Variants in PLEKHA1 observed in about 807,000 individuals in gnomAD.
PLEKHA1 encodes pleckstrin homology domain-containing family A member 1.
A neutral mutation model predicts 52.0 loss-of-function variants in PLEKHA1; 34 were observed. The observed-to-expected ratio is 0.65, with a 90% confidence interval of 0.50 to 0.87. The LOEUF is 0.87. Ranked by LOEUF, PLEKHA1 falls within the 40% of genes least tolerant of loss-of-function variation. The probability of loss-of-function intolerance (pLI) is 0.00; values close to 1 mark genes in which losing one functional copy is unlikely to be tolerated. For missense variants in PLEKHA1, 497 were observed against 504.2 expected (o/e 0.99, Z 0.14); for synonymous variants, 163 against 170.7 (o/e 0.95, Z 0.35).
At chr10:122,418,784 C>G (rs1186132092) in intron 8 of PLEKHA1, 2 of 152,162 alleles carry the variant, frequency 1.3e-5, no homozygotes, top group Non-Finnish European at 2.9e-5. Flanking sequence ...GAATGCAATT[C>G]TGTAGTATAA....
chr10:122,433,197 T>G (rs1391563018), downstream of PLEKHA1: 1 of 152,212 alleles, frequency 6.6e-6, no homozygotes, highest in Non-Finnish European at 1.5e-5. Flanking sequence ...ACCCTATTCC[T>G]GTCATTGTGC....
Position 122,400,366 on chromosome 10 carries a change from G to T in PLEKHA1, c.222G>T (p.Arg74Ser). ...AGGTTAGCGATGCTACTAAGCTAAGGCCAAAGGCGGAGTTCTGTTTTGGTA... is the reference window on the plus strand; with the variant it reads ...AGGTTAGCGATGCTACTAAGCTAAGTCCAAAGGCGGAGTTCTGTTTTGGTA... ...ISKVSDATKL[R>S]PKAEFCFVMN... The change falls in exon 4 of 12, where the codon AGG (arginine) becomes AGT (serine). Residue 74 changes from arginine (R) to serine (S), a missense_variant. Arg to Ser is a moderately radical substitution (Grantham distance 110). Transcript: ENST00000368990. 1.2e-6 allele frequency: 2 copies of T among 1,607,570 alleles called. No homozygotes were observed. Among genetic ancestry groups the T allele is most frequent in the Non-Finnish European group, 1.7e-6 (2 of 1,177,696 alleles).
chr10:122,375,335 C>T (rs1426875720), intron 1 of PLEKHA1, among the ~76,000 whole-genome samples: 4 of 152,220 alleles, frequency 2.6e-5, no homozygotes, highest in Non-Finnish European at 5.9e-5. Context: ...TGCATTTTGG[C>T]TTCAGGACTT....
At chr10:122,410,011 G>A (rs2097085068) in intron 5 of PLEKHA1, among the ~76,000 whole-genome samples, 1 of 152,014 alleles carries the variant, frequency 6.6e-6, no homozygotes, top group Admixed American at 6.6e-5. Flanking sequence ...TAAAACTCCT[G>A]GCCTCAAGTG....
At chr10:122,407,935 C>CA (rs1590671359) in intron 5 of PLEKHA1, among the ~76,000 whole-genome samples, 1 of 152,150 alleles carries the variant, frequency 6.6e-6, no homozygotes, top group African/African-American at 2.4e-5. Context: ...AAGCTGTTCT[C>CA]AGAGTTTAGT....
intron 1 of PLEKHA1, among the ~76,000 whole-genome samples, chr10:122,385,835 T>C (rs11200603): frequency 0.99 from 150,455 of 152,328 alleles, 74,386 homozygotes; most frequent in Middle Eastern, 1. Flanking sequence ...TTTTGCCAAG[T>C]AATATTTTAT....
At chr10:122,402,483 T>A (rs2096943558) in intron 4 of PLEKHA1, among the ~76,000 whole-genome samples, 1 of 152,122 alleles carries the variant, frequency 6.6e-6, no homozygotes, top group Admixed American at 6.5e-5. Flanking sequence ...CCTCAGTGTA[T>A]AAAGTTGGAA....
intron 8 of PLEKHA1, chr10:122,423,827 C>CT (rs1330298430): frequency 1.1e-5 from 2 of 182,652 alleles, no homozygotes; most frequent in African/African-American, 4.7e-5. Context: ...AGGATGTGCA[C>CT]TTGCTCTGCT....
Position 122,419,313 on chromosome 10 carries a change from G to C in PLEKHA1, c.681+1345G>C, listed in dbSNP as rs937736216. ...TGATCACAGGGCCTGGCACTTGATA[G>C]ACAATAAGTGTCTTTGAATGAATGA... On this transcript the variant is annotated intron_variant, in intron 8 of 11. Coordinates refer to ENST00000368990, the MANE Select transcript of PLEKHA1 (RefSeq NM_001001974.4). 11 of 152,272 alleles carry C rather than the reference G, an allele frequency of 7.2e-5. No individual in the cohort carries two copies. The East Asian group carries it at 1.9e-3, about 27-fold the overall frequency. The allele number at this position is 152,272 out of a possible 1,614,324, so 9.4% of individuals were successfully genotyped here.
chr10:122,394,086 T>G (rs1010203267), intron 2 of PLEKHA1, among the ~76,000 whole-genome samples: 1 of 113,012 alleles, frequency 8.8e-6, no homozygotes, highest in South Asian at 2.8e-4. Flanking sequence ...TTTTTTTTTT[T>G]TTTTTTTTTG....
intron 3 of PLEKHA1, among the ~76,000 whole-genome samples, chr10:122,398,193 G>A (rs761234153): frequency 3.9e-5 from 6 of 152,074 alleles, no homozygotes; most frequent in Non-Finnish European, 8.8e-5. Context: ...AATTGCAAAA[G>A]TTAACATTAA....
rs771030769 is a variant in PLEKHA1, at chr10:122,415,859, AAAG to A, written c.476_478del (p.Glu159del). ...ATTTATTTATTTTGCTTCATTTTAGAAAGAAGAAGTAAATGAATGTGGTGAAAG... is the reference window on the plus strand; with the variant it reads ...ATTTATTTATTTTGCTTCATTTTAGAAAGAAGTAAATGAATGTGGTGAAAG... On this transcript the variant is annotated inframe_deletion and splice_region_variant, in exon 7 of 12. Coordinates refer to ENST00000368990, the MANE Select transcript of PLEKHA1 (RefSeq NM_001001974.4). 4.9e-5 allele frequency: 78 copies of A among 1,605,728 alleles called. No homozygotes were observed. Among genetic ancestry groups the A allele is most frequent in the South Asian group, 3.2e-4 (29 of 90,010 alleles).
At chr10:122,429,574 A>G (rs777822008) in intron 11 of PLEKHA1, 50 bp from the exon 12 acceptor site, 1 of 1,543,724 alleles carries the variant, frequency 6.5e-7, no homozygotes, top group Non-Finnish European at 8.9e-7. Flanking sequence ...CTGAGTTACT[A>G]ACCTGGTCAT....
At chr10:122,432,914 T>C (rs10510110), downstream of PLEKHA1, 85,153 of 152,104 alleles carry the variant, frequency 0.56, 24,466 homozygotes, top group African/African-American at 0.66. Flanking sequence ...AAGGCATTAC[T>C]GTAGAATGTG....
chr10:122,413,359 T>A (rs917826576), intron 6 of PLEKHA1, among the ~76,000 whole-genome samples: 2 of 152,076 alleles, frequency 1.3e-5, no homozygotes. Flanking sequence ...CAGAAATCCT[T>A]TTATATCATT....
rs2097405046 is a variant in PLEKHA1, at chr10:122,430,228, T to C, written c.*290T>C. 2 of 255,768 alleles carry C rather than the reference T, an allele frequency of 7.8e-6. No homozygotes were observed. Among genetic ancestry groups the C allele is most frequent in the Non-Finnish European group, 7.3e-6 (1 of 136,200 alleles). 15.8% of individuals were successfully genotyped at this position (255,768 alleles called of 1,614,324 possible). A position where few individuals can be genotyped will look rare whatever the true frequency, so the allele number is the denominator to read the frequency against. On this transcript the variant is annotated 3_prime_UTR_variant, in exon 12 of 12. Coordinates refer to ENST00000368990, the MANE Select transcript of PLEKHA1 (RefSeq NM_001001974.4). Reference sequence around the variant, plus strand: ...ACAATGTATGTGTAATATTTTTTTCTTAGTGATTTTGACAGTTTAAATGTT... The same window carrying C: ...ACAATGTATGTGTAATATTTTTTTCCTAGTGATTTTGACAGTTTAAATGTT...
intron 5 of PLEKHA1, among the ~76,000 whole-genome samples, chr10:122,407,558 CT>C (rs1463714815): frequency 6.6e-6 from 1 of 152,188 alleles, no homozygotes; most frequent in African/African-American, 2.4e-5. Flanking sequence ...TCTCCTTACT[CT>C]TTTGTTCCTA....
chr10:122,408,401 T>C (rs1442793013), intron 5 of PLEKHA1, among the ~76,000 whole-genome samples: 1 of 152,182 alleles, frequency 6.6e-6, no homozygotes, highest in Non-Finnish European at 1.5e-5. Flanking sequence ...CTAAATAGAA[T>C]TCTAAAAAGA....
chr10:122,423,576 T>C (rs889865994), intron 8 of PLEKHA1: 3 of 152,354 alleles, frequency 2.0e-5, no homozygotes, highest in East Asian at 1.9e-4. Flanking sequence ...ACTAGAAATA[T>C]GCTATTAGGA....
Sources: gnomAD v4.1 joint callset for allele counts (sites outside exome capture counted in the v4.1 genomes callset) on GRCh38, gnomAD v4.1.1 for gene constraint, MANE v1.5 for transcripts, NCBI Gene and HGNC (gene_info 2026-07-23, HGNC 2026-07-21) for gene names.